MYLK2: variants seen among roughly 807,000 people sequenced by gnomAD.
The protein encoded by MYLK2 is myosin light chain kinase 2, also known as myosin light chain kinase 2, skeletal/cardiac muscle.
MYLK2 carries 27 observed loss-of-function variants against 58.2 expected under a neutral mutation model. The ratio of observed to expected loss-of-function variants is 0.46; its 90% CI spans 0.34 to 0.64. The LOEUF is 0.64. Ranked by LOEUF, MYLK2 falls within the 30% of genes least tolerant of loss-of-function variation. The probability of loss-of-function intolerance (pLI) is 0.01; values close to 1 mark genes in which losing one functional copy is unlikely to be tolerated. For missense variants in MYLK2, 676 were observed against 764.3 expected (o/e 0.88, Z 1.36); for synonymous variants, 310 against 296.7 (o/e 1.04, Z -0.46).
At position 31,834,067 on chromosome 20, in the gene MYLK2, C is replaced by G. The variant is rs1167702370; in HGVS notation, c.*270C>G. 5.9e-6 allele frequency: 3 copies of G among 512,194 alleles called. No individual in the cohort carries two copies. The highest frequency in any genetic ancestry group is 7.1e-6 in the Non-Finnish European group (2 of 282,634). The allele number at this position is 512,194 out of a possible 1,614,324, so 31.7% of individuals were successfully genotyped here. A position where few individuals can be genotyped will look rare whatever the true frequency, so the allele number is the denominator to read the frequency against. On this transcript the variant is annotated 3_prime_UTR_variant, in exon 13 of 13. Transcript: ENST00000375985. ...TCGGCCACACCCCAGACTCCAGGCC[C>G]CCGTTGAAGCCGCTCCCGGTTCCCT...
At chr20:31,825,966 TC>T (rs1266699689) in intron 6 of MYLK2, among the ~76,000 whole-genome samples, 2 of 152,150 alleles carry the variant, frequency 1.3e-5, no homozygotes, top group African/African-American at 4.8e-5. Context: ...GGATGTATAA[TC>T]TAGCTTGAAG....
chr20:31,820,587 T>G, intron 3 of MYLK2, 41 bp downstream of exon 3: 2 of 1,595,632 alleles, frequency 1.3e-6, no homozygotes, highest in Non-Finnish European at 1.7e-6. Flanking sequence ...GTCCTGTGGT[T>G]CTGTCCCTAG....
chr20:31,831,640 C>T (rs574731758), intron 10 of MYLK2, 63 bp from the exon 11 acceptor site: 1 of 1,584,128 alleles, frequency 6.3e-7, no homozygotes, highest in South Asian at 1.1e-5. Flanking sequence ...TTCCCTACCC[C>T]TCTGAAGGTG....
chr20:31,826,725 G>T lies in MYLK2; in HGVS notation c.1082+11G>T. 1 of 1,614,014 alleles carries T rather than the reference G, an allele frequency of 6.2e-7. No homozygotes were observed. The highest frequency in any genetic ancestry group is 8.5e-7 in the Non-Finnish European group (1 of 1,179,968). On this transcript the variant is annotated intron_variant, in intron 7 of 12. Transcript: ENST00000375985. ...CCTGTTCATGGAGTAGTGAGTGCCCGAAGTAGTGGTAGGGGCTGGGTGGGG... is the reference window on the plus strand; with the variant it reads ...CCTGTTCATGGAGTAGTGAGTGCCCTAAGTAGTGGTAGGGGCTGGGTGGGG...
At position 31,831,236 on chromosome 20, in the gene MYLK2, C is replaced by T. The variant is rs2062305012; in HGVS notation, c.1424+95C>T. The stretch of plus-strand genomic sequence containing the variant: ...GGCCCTAGGGTCTTGGTAAGGTGGT[C>T]CCACCTCCCCTATCCCTCAGTCAGG... On this transcript the variant is annotated intron_variant, in intron 10 of 12. Coordinates refer to ENST00000375985, the MANE Select transcript of MYLK2 (RefSeq NM_033118.4). The T allele has an allele frequency of 1.0e-5, 16 of 1,558,684 alleles. No individual in the cohort carries two copies. In the South Asian group the frequency reaches 1.8e-4, roughly 18 times the overall value.
In MYLK2 at chr20:31,820,358, A is replaced by C; in HGVS notation, c.285A>C (p.Ala95=). 6.2e-7 allele frequency: 1 copy of C among 1,612,728 alleles called. No individual in the cohort carries two copies. The highest frequency in any genetic ancestry group is 8.5e-7 in the Non-Finnish European group (1 of 1,179,796). Residue 95 remains alanine (A), a synonymous_variant, in exon 3 of 13, where the codon GCA becomes GCC. Coordinates refer to ENST00000375985, the MANE Select transcript of MYLK2 (RefSeq NM_033118.4). ...CGGAGGGCAGTGCTGGGCCCCCGGCAGCCCTGCCCCAGCAGACTGCGACAC... is the reference window on the plus strand; with the variant it reads ...CGGAGGGCAGTGCTGGGCCCCCGGCCGCCCTGCCCCAGCAGACTGCGACAC... ...GPAEGSAGPP[A]ALPQQTATPE...
intron 4 of MYLK2, among the ~76,000 whole-genome samples, chr20:31,822,945 A>C (rs2062258474): frequency 6.6e-6 from 1 of 152,174 alleles, no homozygotes; most frequent in South Asian, 2.1e-4. Context: ...CCGGCCTGCC[A>C]GCCTTCAGGG....
In MYLK2 at chr20:31,831,773, T is replaced by C. The variant is rs1279963761; in HGVS notation, c.1495T>C (p.Trp499Arg). ...CCTAAACAACGTTCTATCTGGCAAC[T>C]GGTACTTTGATGAAGAGACCTTTGA... ...ETLNNVLSGNWYFDEETFEAV... is the reference protein window; with the variant it reads ...ETLNNVLSGNRYFDEETFEAV... The change falls in exon 11 of 13, where the codon TGG becomes CGG. Residue 499 changes from tryptophan to arginine, a missense_variant. Physicochemically the swap from Trp to Arg is moderately radical, Grantham distance 101 (BLOSUM62 -3). Transcript: ENST00000375985. The C allele has an allele frequency of 6.2e-7, 1 of 1,614,076 alleles. No homozygotes were observed. The highest frequency in any genetic ancestry group is 1.3e-5 in the African/African-American group (1 of 74,996).
In MYLK2 at chr20:31,819,436, T is replaced by C. The variant is rs2123124898; in HGVS notation, c.-49+8T>C. Reference sequence around the variant, plus strand: ...TGCCCCTCTTTGCTCCAGGTACCTCTCTCCCCTCAGTTAGCAGGCCTCGGC... The same window carrying C: ...TGCCCCTCTTTGCTCCAGGTACCTCCCTCCCCTCAGTTAGCAGGCCTCGGC... On this transcript the variant is annotated splice_region_variant and intron_variant, in intron 1 of 12. Coordinates refer to ENST00000375985, the MANE Select transcript of MYLK2 (RefSeq NM_033118.4). The C allele has an allele frequency of 1.8e-6, 2 of 1,120,148 alleles. No homozygotes were observed. Among genetic ancestry groups the C allele is most frequent in the East Asian group, 5.2e-5 (2 of 38,240 alleles). The allele number at this position is 1,120,148 out of a possible 1,614,324, so 69.4% of individuals were successfully genotyped here. A position where few individuals can be genotyped will look rare whatever the true frequency, so the allele number is the denominator to read the frequency against.
Position 31,832,075 on chromosome 20 carries a change from G to T in MYLK2, c.1649G>T (p.Cys550Phe), listed in dbSNP as rs771059154. The change falls in exon 12 of 13, where the codon TGT becomes TTT. Residue 550 changes from cysteine (C) to phenylalanine (F), a missense_variant. Coordinates refer to ENST00000375985, the MANE Select transcript of MYLK2 (RefSeq NM_033118.4). Reference protein sequence around the residue: ...LNNLAEKAKRCNRRLKSQILL... With the variant: ...LNNLAEKAKRFNRRLKSQILL... ...AACCTGGCGGAGAAAGCCAAACGCT[G>T]TAACCGACGCCTTAAGTCCCAGATC... 2.5e-6 allele frequency: 4 copies of T among 1,599,136 alleles called. 1 individual carries two copies. In the South Asian group the frequency reaches 4.5e-5, roughly 18 times the overall value.
At position 31,827,138 on chromosome 20, in the gene MYLK2, GGA is replaced by G. The variant is rs964550503; in HGVS notation, c.1224+201_1224+202del. ...GGGCACAGCAAAGAGAGAGAGGGGGGGAAAAAAAAAAGACGTGGTACCAGCTT... is the reference window on the plus strand; with the variant it reads ...GGGCACAGCAAAGAGAGAGAGGGGGGAAAAAAAAAGACGTGGTACCAGCTT... On this transcript the variant is annotated intron_variant, in intron 8 of 12. Transcript: ENST00000375985. 8 of 936,846 alleles carry G rather than the reference GGA, an allele frequency of 8.5e-6. No homozygotes were observed. In the African/African-American group the frequency reaches 9.3e-5, roughly 11 times the overall value. The allele number at this position is 936,846 out of a possible 1,614,324, so 58.0% of individuals were successfully genotyped here.
In MYLK2 at chr20:31,821,770, C is replaced by T. The variant is rs6060970; in HGVS notation, c.772+33C>T. ...AGGGGCAGGTGGGGGCTGGGGCTGCCCTGGGGCCAGGGGGAGGGAAGGGGG... is the reference window on the plus strand; with the variant it reads ...AGGGGCAGGTGGGGGCTGGGGCTGCTCTGGGGCCAGGGGGAGGGAAGGGGG... On this transcript the variant is annotated intron_variant, in intron 4 of 12. Transcript: ENST00000375985. 101,565 of 1,533,292 alleles carry T rather than the reference C, an allele frequency of 0.066. 4,071 individuals are homozygous for T. Among genetic ancestry groups the T allele is most frequent in the African/African-American group, 0.13 (9,490 of 72,504 alleles). The allele number at this position is 1,533,292 out of a possible 1,614,324, so 95.0% of individuals were successfully genotyped here. A position where few individuals can be genotyped will look rare whatever the true frequency, so the allele number is the denominator to read the frequency against.
chr20:31,821,922 T>C (rs1263762847), intron 4 of MYLK2, among the ~76,000 whole-genome samples, 185 bp downstream of exon 4: 1 of 152,200 alleles, frequency 6.6e-6, no homozygotes, highest in East Asian at 1.9e-4. Flanking sequence ...TTTATTCATT[T>C]GTTTATTTGT....
rs773045483 is a variant in MYLK2 at position 31,821,755 on chromosome 20, G to T, written c.772+18G>T. 5 of 1,575,910 alleles carry T rather than the reference G, an allele frequency of 3.2e-6. No individual in the cohort carries two copies. The highest frequency in any genetic ancestry group is 4.3e-6 in the Non-Finnish European group (5 of 1,159,174). The stretch of plus-strand genomic sequence containing the variant: ...GATTTTGGGTAGGCCAGGGGCAGGT[G>T]GGGGCTGGGGCTGCCCTGGGGCCAG... On this transcript the variant is annotated intron_variant, in intron 4 of 12. Coordinates refer to ENST00000375985, the MANE Select transcript of MYLK2 (RefSeq NM_033118.4).
chr20:31,823,530 A>G lies in MYLK2; in HGVS notation c.826A>G (p.Thr276Ala). 6.2e-7 allele frequency: 1 copy of G among 1,613,872 alleles called. No individual in the cohort carries two copies. Among genetic ancestry groups the G allele is most frequent in the Middle Eastern group, 1.6e-4 (1 of 6,062 alleles). Residue 276 changes from threonine (T) to alanine (A), a missense_variant, in exon 5 of 13, where the codon ACC (threonine) becomes GCC (alanine). By Grantham distance (58) the Thr-to-Ala change is moderately conservative. This residue lies in a region of MYLK2 where 370 missense variants were observed against 467.8 expected (regional missense o/e 0.79). Transcript: ENST00000375985. The stretch of plus-strand genomic sequence containing the variant: ...CCCTCACCGCATGGTGGAGCTGAGG[A>G]CCGGGAATGTCAGCAGTGAATTCAG... Reference protein sequence around the residue: ...PFPHRMVELRTGNVSSEFSMN... With the variant: ...PFPHRMVELRAGNVSSEFSMN...
intron 8 of MYLK2, among the ~76,000 whole-genome samples, chr20:31,827,928 G>A (rs1160885635): frequency 8.4e-6 from 1 of 119,010 alleles, no homozygotes. Flanking sequence ...TGGTCTGTTG[G>A]CCAGGCTGGA....
chr20:31,825,270 C>T (rs1401304339), intron 6 of MYLK2, among the ~76,000 whole-genome samples: 3 of 152,236 alleles, frequency 2.0e-5, no homozygotes, highest in African/African-American at 7.2e-5. Context: ...GTCTCTTCCA[C>T]TTACAGGGCC....
At chr20:31,829,533 G>A (rs991445888) in intron 8 of MYLK2, among the ~76,000 whole-genome samples, 2 of 152,196 alleles carry the variant, frequency 1.3e-5, no homozygotes, top group East Asian at 1.9e-4. Context: ...TTCAGAAAGC[G>A]TCTCCTTAGG....
chr20:31,828,134 T>A, intron 8 of MYLK2: 1 of 966,846 alleles, frequency 1.0e-6, no homozygotes, highest in Non-Finnish European at 1.2e-6. Flanking sequence ...GTGATCTGCC[T>A]GCCTCAGCCT....
Sources: gnomAD v4.1 joint callset for allele counts (sites outside exome capture counted in the v4.1 genomes callset) on GRCh38, gnomAD v4.1.1 for gene constraint, gnomAD v4.1.1 regional missense constraint, MANE v1.5 for transcripts, NCBI Gene and HGNC (gene_info 2026-07-23, HGNC 2026-07-21) for gene names.